The following HIF3A variants were observed in gnomAD, a reference collection of about 807,000 sequenced individuals.
HIF3A encodes the protein hypoxia inducible factor 3 subunit alpha.
A neutral mutation model predicts 67.2 loss-of-function variants in HIF3A; 41 were observed. The ratio of observed to expected loss-of-function variants is 0.61; its 90% CI spans 0.48 to 0.79. The LOEUF (loss-of-function observed/expected upper bound fraction) is 0.79. HIF3A is among the 30% of genes least tolerant of loss of function. HIF3A has a pLI of 0.00. For missense variants in HIF3A, 855 were observed against 898.0 expected (o/e 0.95, Z 0.61); for synonymous variants, 356 against 374.8 (o/e 0.95, Z 0.58).
intron 13 of HIF3A, among the ~76,000 whole-genome samples, chr19:46,331,961 C>A (rs1397934796): frequency 6.6e-6 from 1 of 152,030 alleles, no homozygotes; most frequent in Non-Finnish European, 1.5e-5. Context: ...TCTCTGCTCC[C>A]ATGGGACCCC....
intron 11 of HIF3A, 173 bp from the exon 12 acceptor site, chr19:46,329,034 G>A (rs1970990403): frequency 3.7e-6 from 2 of 545,626 alleles, no homozygotes; most frequent in Non-Finnish European, 6.2e-6. Flanking sequence ...CCCAGTTTAG[G>A]ATTTCTCTAA....
rs3810298 is a variant in HIF3A at position 46,297,376 on chromosome 19, G to A, written c.26+274G>A. ...CCAAGGCTCATTTACCCTCCTGGTT[G>A]GGGGTGGAACTTGGGATTCCTGATA... On this transcript the variant is annotated intron_variant, in intron 1 of 14. Coordinates refer to ENST00000377670, the MANE Select transcript of HIF3A (RefSeq NM_152795.4). The surrounding 1 kb of genome is among the most constrained non-coding windows in gnomAD (Gnocchi z 4.5). Among the ~76,000 whole-genome samples the A allele has an allele frequency of 0.11, 16,165 of 152,136 alleles. 995 individuals are homozygous for A. The highest frequency in any genetic ancestry group is 0.26 in the East Asian group (1,340 of 5,118).
chr19:46,314,068 T>TG (rs1287795415), intron 8 of HIF3A, among the ~76,000 whole-genome samples: 2 of 137,934 alleles, frequency 1.4e-5, no homozygotes, highest in East Asian at 4.0e-4. Context: ...TAGAAGACAT[T>TG]GGGCTGTTTC....
intron 11 of HIF3A, among the ~76,000 whole-genome samples, chr19:46,326,365 T>G (rs888538867): frequency 6.6e-6 from 1 of 152,100 alleles, no homozygotes; most frequent in Non-Finnish European, 1.5e-5. Context: ...GAAGACACAG[T>G]CTTTCATGGC....
Position 46,334,892 on chromosome 19 carries a change from C to G in HIF3A, c.1831-13C>G, listed in dbSNP as rs1478508064. On this transcript the variant is annotated splice_polypyrimidine_tract_variant and intron_variant, in intron 13 of 14. Coordinates refer to ENST00000377670, the MANE Select transcript of HIF3A (RefSeq NM_152795.4). ...ATGATGATGATGGTGGTGGCTTTGTCTCTCTCCCACAGAGTTTCCTTCTGA... is the reference window on the plus strand; with the variant it reads ...ATGATGATGATGGTGGTGGCTTTGTGTCTCTCCCACAGAGTTTCCTTCTGA... 2.5e-6 allele frequency: 4 copies of G among 1,603,034 alleles called. No homozygotes were observed. Among genetic ancestry groups the G allele is most frequent in the Non-Finnish European group, 3.4e-6 (4 of 1,173,806 alleles).
intron 9 of HIF3A, among the ~76,000 whole-genome samples, chr19:46,321,096 T>C (rs967716499): frequency 2.0e-5 from 3 of 152,144 alleles, no homozygotes; most frequent in African/African-American, 7.2e-5. Context: ...TATAATATCC[T>C]TTCCTTTTCT....
chr19:46,312,862 T>A (rs570202827), intron 8 of HIF3A: 1 of 1,252,878 alleles, frequency 8.0e-7, no homozygotes, highest in East Asian at 3.4e-5. Flanking sequence ...CAGGTATGTG[T>A]ATGGGTGTGT....
intron 2 of HIF3A, among the ~76,000 whole-genome samples, chr19:46,304,697 G>A (rs1323878138): frequency 1.3e-5 from 2 of 152,094 alleles, no homozygotes; most frequent in Non-Finnish European, 2.9e-5. Flanking sequence ...GAAAGCGGGG[G>A]AAGTAGCGTT....
At chr19:46,332,716 C>T (rs1971322403) in intron 13 of HIF3A, among the ~76,000 whole-genome samples, 1 of 151,400 alleles carries the variant, frequency 6.6e-6, no homozygotes, top group African/African-American at 2.4e-5. Flanking sequence ...AGACATAATG[C>T]CTCACGCCTG....
At chr19:46,337,253 T>C (rs993845038) in intron 14 of HIF3A, among the ~76,000 whole-genome samples, 7 of 151,664 alleles carry the variant, frequency 4.6e-5, no homozygotes, top group African/African-American at 9.7e-5. Context: ...TCTATCTTTT[T>C]TGGGGTGTGG....
At chr19:46,313,266 C>T (rs988299704) in intron 8 of HIF3A, 1 of 970,920 alleles carries the variant, frequency 1.0e-6, no homozygotes, top group Non-Finnish European at 1.2e-6. Flanking sequence ...AACAAACAAA[C>T]AAACAAACAA....
chr19:46,325,615 G>A lies in HIF3A; in HGVS notation c.1416G>A (p.Val472=), dbSNP rs1001945570. ...CCTCCGGGAAAGACACTGAGGCAGT[G>A]GAGACAGATTTAGATATAGCTCAGG... ...LFTSGKDTEA[V]ETDLDIAQDA... Residue 472 remains valine, a synonymous_variant, in exon 11 of 15, where the codon GTG becomes GTA. Transcript: ENST00000377670. 6 of 1,613,022 alleles carry A rather than the reference G, an allele frequency of 3.7e-6. No homozygotes were observed. In the Admixed American group the frequency reaches 6.7e-5, roughly 18 times the overall value.
At chr19:46,310,588 T>A (rs1038200622) in intron 6 of HIF3A, 4 of 456,082 alleles carry the variant, frequency 8.8e-6, no homozygotes, top group Non-Finnish European at 1.3e-5. Flanking sequence ...GTCTTGGCTG[T>A]GTATCCTTAG....
At chr19:46,314,734 T>A (rs943478713) in intron 8 of HIF3A, among the ~76,000 whole-genome samples, 9 of 146,362 alleles carry the variant, frequency 6.1e-5, no homozygotes, top group African/African-American at 2.2e-4. Flanking sequence ...AATTTTTGTA[T>A]TTTTAGTAGA....
At chr19:46,322,090 T>C (rs1970414956) in intron 10 of HIF3A, 124 bp downstream of exon 10, 2 of 968,612 alleles carry the variant, frequency 2.1e-6, no homozygotes, top group Admixed American at 2.9e-5. Flanking sequence ...AGTGGGGAGG[T>C]TGGGATGAGA....
chr19:46,304,299 C>T (rs1302790612), intron 2 of HIF3A: 9 of 587,566 alleles, frequency 1.5e-5, no homozygotes, highest in Non-Finnish European at 2.7e-5. Flanking sequence ...GGGAGTCCCG[C>T]CCCCCTCGAA....
At chr19:46,312,462 T>C in intron 7 of HIF3A, 44 bp from the exon 8 acceptor site, 1 of 1,607,434 alleles carries the variant, frequency 6.2e-7, no homozygotes, top group Non-Finnish European at 8.5e-7. Flanking sequence ...CTCTCCCCAT[T>C]TGCCCCCTTG....
At chr19:46,320,966 T>C (rs1970316570) in intron 9 of HIF3A, among the ~76,000 whole-genome samples, 1 of 152,128 alleles carries the variant, frequency 6.6e-6, no homozygotes, top group African/African-American at 2.4e-5. Context: ...CCTTTCTCCC[T>C]CTTCCTTCAC....
At chr19:46,310,986 G>A (rs1969378580) in intron 6 of HIF3A, among the ~76,000 whole-genome samples, 1 of 152,168 alleles carries the variant, frequency 6.6e-6, no homozygotes, top group South Asian at 2.1e-4. Context: ...CCTGACCTCA[G>A]GTGATCGGCC....
Sources: allele counts gnomAD v4.1 joint callset (sites outside exome capture counted in the v4.1 genomes callset), GRCh38; gene constraint gnomAD v4.1.1; non-coding constraint Gnocchi (gnomAD v3.1); transcripts MANE v1.5; gene names NCBI Gene and HGNC (gene_info 2026-07-23, HGNC 2026-07-21).